Variants in RGS19 observed in about 807,000 individuals in gnomAD.
The protein encoded by RGS19 is regulator of G protein signaling 19.
Under a neutral mutation model 22.0 loss-of-function variants are expected in RGS19, and 9 were observed. The ratio of observed to expected loss-of-function variants is 0.41; its 90% CI spans 0.25 to 0.71. RGS19 has a LOEUF of 0.71. Ranked by LOEUF, RGS19 falls within the 30% of genes least tolerant of loss-of-function variation. The pLI, the probability that RGS19 is intolerant of heterozygous loss-of-function variation, is 0.32. For missense variants in RGS19, 256 were observed against 307.1 expected (o/e 0.83, Z 1.24); for synonymous variants, 130 against 127.3 (o/e 1.02, Z -0.14).
Position 64,075,526 on chromosome 20 carries a change from C to T in RGS19, c.153-985G>A, listed in dbSNP as rs1010012405. Reference sequence around the variant, plus strand: ...CCCCCTTTCCCGACTGCCCCCTGGCCACCCCCAGCTTGCCCGTGGGTCAGC... The same window carrying T: ...CCCCCTTTCCCGACTGCCCCCTGGCTACCCCCAGCTTGCCCGTGGGTCAGC... On this transcript the variant is annotated intron_variant, in intron 3 of 5. Transcript: ENST00000395042. This position sits in a 1 kb window ranked among gnomAD's most constrained non-coding sequence, Gnocchi z 4.6. Among the ~76,000 whole-genome samples, 1 of 152,156 alleles carries T rather than the reference C, an allele frequency of 6.6e-6. No homozygotes were observed. Among genetic ancestry groups the T allele is most frequent in the Non-Finnish European group, 1.5e-5 (1 of 68,016 alleles).
In RGS19 at chr20:64,076,845, G is replaced by A; in HGVS notation, c.30+12C>T. ...CCCCAGGGGAGCAGAGGCAGAGGGG[G>A]AGGTGGCATACCTGCTTCTCAGCCT... is the stretch of plus-strand genomic sequence containing the variant. On this transcript the variant is annotated intron_variant, in intron 2 of 5. Coordinates refer to ENST00000395042, the MANE Select transcript of RGS19 (RefSeq NM_005873.3). The A allele has an allele frequency of 2.5e-6, 4 of 1,571,194 alleles. No individual in the cohort carries two copies. Among genetic ancestry groups the A allele is most frequent in the African/African-American group, 1.4e-5 (1 of 72,140 alleles).
At chr20:64,079,638 TC>T (rs1373106378), upstream of RGS19, 1 of 151,422 alleles carries the variant, frequency 6.6e-6, no homozygotes, top group African/African-American at 2.4e-5. The surrounding 1 kb of genome is among the most constrained non-coding windows in gnomAD (Gnocchi z 5.1). Flanking sequence ...AGCAATCACT[TC>T]CCCAGGCTTT....
At position 64,073,749 on chromosome 20, in the gene RGS19, C is replaced by T. The variant is rs997907510; in HGVS notation, c.*104G>A. On this transcript the variant is annotated 3_prime_UTR_variant, in exon 6 of 6. Coordinates refer to ENST00000395042, the MANE Select transcript of RGS19 (RefSeq NM_005873.3). ...GGACCGTCTCCGCGGGTGGGGACCC[C>T]AGCCGGCCAGGCATGTGCCCTGACA... 3 of 1,068,834 alleles carry T rather than the reference C, an allele frequency of 2.8e-6. No individual in the cohort carries two copies. The African/African-American group carries it at 4.8e-5, about 17-fold the overall frequency. The allele number at this position is 1,068,834 out of a possible 1,614,324, so 66.2% of individuals were successfully genotyped here.
In RGS19 at chr20:64,076,973, G is replaced by A. The variant is rs748223428; in HGVS notation, c.-68-19C>T. ...TGGGGGTCTGGGGAGAGGGGCCAAG[G>A]TTCTGACTGAGAACCTGAAACCCCA... On this transcript the variant is annotated intron_variant, in intron 1 of 5. Transcript: ENST00000395042. The A allele has an allele frequency of 3.9e-6, 5 of 1,275,148 alleles. No homozygotes were observed. Among genetic ancestry groups the A allele is most frequent in the African/African-American group, 1.5e-5 (1 of 64,562 alleles). 79.0% of individuals were successfully genotyped at this position (1,275,148 alleles called of 1,614,324 possible).
Position 64,076,964 on chromosome 20 carries a change from G to A in RGS19, c.-68-10C>T, listed in dbSNP as rs188791274. ...ACCACAGCCTGGGGGTCTGGGGAGA[G>A]GGGCCAAGGTTCTGACTGAGAACCT... On this transcript the variant is annotated splice_polypyrimidine_tract_variant and intron_variant, in intron 1 of 5. Transcript: ENST00000395042. 2.7e-4 allele frequency: 358 copies of A among 1,341,630 alleles called. 5 individuals carry two copies. The East Asian group carries it at 8.4e-3, about 31-fold the overall frequency. 83.1% of individuals were successfully genotyped at this position (1,341,630 alleles called of 1,614,324 possible).
Position 64,074,202 on chromosome 20 carries a change from A to G in RGS19, c.404T>C (p.Val135Ala). ...ELKAEANQHV[V>A]DEKARLIYED... ...GTAGATGAGCCTCGCCTTCTCGTCT[A>G]CCACATGCTGGTTGGCCTCGGCCTT... Residue 135 changes from valine (V) to alanine (A), a missense_variant, in exon 5 of 6, where the codon GTA becomes GCA. Coordinates refer to ENST00000395042, the MANE Select transcript of RGS19 (RefSeq NM_005873.3). 1 of 1,614,064 alleles carries G rather than the reference A, an allele frequency of 6.2e-7. No homozygotes were observed. The highest frequency in any genetic ancestry group is 8.5e-7 in the Non-Finnish European group (1 of 1,180,020).
At chr20:64,076,101 G>A (rs995117498) in intron 3 of RGS19, among the ~76,000 whole-genome samples, 2 of 152,080 alleles carry the variant, frequency 1.3e-5, no homozygotes, top group Non-Finnish European at 2.9e-5. Context: ...GGCTGATCTC[G>A]AACTCCCGAC....
Position 64,077,484 on chromosome 20 carries a change from C to T in RGS19, c.-68-530G>A, listed in dbSNP as rs2059914444. Among the ~76,000 whole-genome samples, 5 of 152,250 alleles carry T rather than the reference C, an allele frequency of 3.3e-5. No homozygotes were observed. The South Asian group carries it at 1.0e-3, about 32-fold the overall frequency. ...TGCAGCAGTGAGGATTTAAGTGGGA[C>T]TCAGGCTGGACTTGCTGAGGGTGTG... On this transcript the variant is annotated intron_variant, in intron 1 of 5. Transcript: ENST00000395042.
chr20:64,078,133 G>C (rs2059919222), intron 1 of RGS19, among the ~76,000 whole-genome samples: 2 of 152,372 alleles, frequency 1.3e-5, no homozygotes, highest in Admixed American at 1.3e-4. Flanking sequence ...GTGTGTGAAT[G>C]GCCCTCAGAA....
At position 64,075,688 on chromosome 20, in the gene RGS19, G is replaced by A. The variant is rs968914746; in HGVS notation, c.152+837C>T. 6.6e-6 allele frequency among the ~76,000 whole-genome samples: 1 copy of A among 152,102 alleles called. No homozygotes were observed. Among genetic ancestry groups the A allele is most frequent in the African/African-American group, 2.4e-5 (1 of 41,416 alleles). On this transcript the variant is annotated intron_variant, in intron 3 of 5. Transcript: ENST00000395042. The surrounding 1 kb of genome is among the most constrained non-coding windows in gnomAD (Gnocchi z 4.6). ...CTAGGAAATCTGTTACCATCTGGGA[G>A]CCCCACTCCCACCCTCACAGGGATG...
chr20:64,078,290 G>A (rs1213843519), intron 1 of RGS19, among the ~76,000 whole-genome samples: 1 of 19,358 alleles, frequency 5.2e-5, no homozygotes, highest in African/African-American at 1.1e-4. Flanking sequence ...TTTCCTCTGA[G>A]ACTGGGGGTC....
At chr20:64,076,761 C>T in intron 2 of RGS19, 96 bp downstream of exon 2, 1 of 1,534,230 alleles carries the variant, frequency 6.5e-7, no homozygotes, top group Admixed American at 2.0e-5. Flanking sequence ...TTCTGGCCTC[C>T]CGGGTGTTCA....
At chr20:64,076,685 A>G (rs2059908301) in intron 2 of RGS19, 39 bp from the exon 3 acceptor site, 1 of 1,563,268 alleles carries the variant, frequency 6.4e-7, no homozygotes, top group Admixed American at 1.8e-5. Context: ...TCAGGTCAGA[A>G]CCCACCAGAC....
chr20:64,078,176 C>T (rs1011572469), intron 1 of RGS19, among the ~76,000 whole-genome samples: 4 of 19,874 alleles, frequency 2.0e-4, no homozygotes, highest in African/African-American at 4.5e-4. Flanking sequence ...CTCTTAGGGC[C>T]CCCAATACCC....
At chr20:64,078,562 G>A (rs2059929364) in intron 1 of RGS19, among the ~76,000 whole-genome samples, 1 of 152,242 alleles carries the variant, frequency 6.6e-6, no homozygotes, top group Non-Finnish European at 1.5e-5. Flanking sequence ...AACTGGAGGA[G>A]GGGACGTGTT....
upstream of RGS19, chr20:64,079,853 C>A (rs1332635033): frequency 1.3e-5 from 2 of 149,434 alleles, no homozygotes; most frequent in African/African-American, 4.9e-5. This position sits in a 1 kb window ranked among gnomAD's most constrained non-coding sequence, Gnocchi z 5.1. Context: ...CTGTCCCCGG[C>A]GCTGCGCGCG....
rs573184143 is a variant in RGS19, at chr20:64,076,866, A to G, written c.21T>C (p.Ala7=). The G allele has an allele frequency of 3.2e-6, 5 of 1,558,942 alleles. No individual in the cohort carries two copies. In the East Asian group the frequency reaches 9.3e-5, roughly 29 times the overall value. MPTPHE[A]EKQITGPEEA... ...GGGGGAGGTGGCATACCTGCTTCTC[A>G]GCCTCATGCGGGGTGGGCATGGGTG... The change falls in exon 2 of 6, where the codon GCT becomes GCC. Residue 7 remains alanine (A), a synonymous_variant. Coordinates refer to ENST00000395042, the MANE Select transcript of RGS19 (RefSeq NM_005873.3).
chr20:64,076,755 G>T, intron 2 of RGS19, 102 bp downstream of exon 2: 1 of 1,522,242 alleles, frequency 6.6e-7, no homozygotes, highest in Non-Finnish European at 9.0e-7. Context: ...TGACCCTTCT[G>T]GCCTCCCGGG....
At chr20:64,079,766 G>T (rs1361776709), upstream of RGS19, 1 of 151,442 alleles carries the variant, frequency 6.6e-6, no homozygotes, top group Non-Finnish European at 1.5e-5. This position sits in a 1 kb window ranked among gnomAD's most constrained non-coding sequence, Gnocchi z 5.1. Context: ...AGCCCTTGGG[G>T]TTCGAGTCCC....
Sources: gnomAD v4.1 joint callset for allele counts (sites outside exome capture counted in the v4.1 genomes callset) on GRCh38, gnomAD v4.1.1 for gene constraint, Gnocchi (gnomAD v3.1) non-coding constraint, MANE v1.5 for transcripts, NCBI Gene and HGNC (gene_info 2026-07-23, HGNC 2026-07-21) for gene names.